COL16A1: variants seen among roughly 807,000 people sequenced by gnomAD.
The protein encoded by COL16A1 is collagen type XVI alpha 1 chain.
In COL16A1, 189 loss-of-function variants were observed where a neutral mutation model predicts 266.3. That is an observed-to-expected ratio of 0.71 (90% CI 0.63 to 0.80). The LOEUF is 0.80. Ranked by LOEUF, COL16A1 falls within the 30% of genes least tolerant of loss-of-function variation. COL16A1 has a pLI of 0.00. For missense variants in COL16A1, 1,928 were observed against 2,122.4 expected (o/e 0.91, Z 1.80); for synonymous variants, 740 against 782.3 (o/e 0.95, Z 0.90).
chr1:31,663,013 A>G lies in COL16A1; in HGVS notation c.3556-355T>C, dbSNP rs1641827783. ...AAAGCTGCCTGTTGTATTCTACTCC[A>G]TCAGACCCCCTGCCTCCTCCCCACC... On this transcript the variant is annotated intron_variant, in intron 56 of 70. Transcript: ENST00000373672. The surrounding 1 kb of genome is among the most constrained non-coding windows in gnomAD (Gnocchi z 4.9). The G allele has an allele frequency of 3.1e-6, 1 of 319,968 alleles. No individual in the cohort carries two copies. The allele number at this position is 319,968 out of a possible 1,614,324, so 19.8% of individuals were successfully genotyped here.
At chr1:31,659,423 A>G (rs1271608675) in intron 62 of COL16A1, among the ~76,000 whole-genome samples, 2 of 152,190 alleles carry the variant, frequency 1.3e-5, no homozygotes, top group South Asian at 2.1e-4. Flanking sequence ...CGACATCCAT[A>G]GTGACAAGGA....
Position 31,688,594 on chromosome 1 carries a change from G to GC in COL16A1, c.1768-93_1768-92insG, listed in dbSNP as rs1644105362. ...CCAGTGTCCAACCAGAAACAGAACG[G>GC]TAAGATAGGAATTATGTCCTTCAGG... is the stretch of plus-strand genomic sequence containing the variant. On this transcript the variant is annotated intron_variant, in intron 25 of 70. Transcript: ENST00000373672. This position sits in a 1 kb window ranked among gnomAD's most constrained non-coding sequence, Gnocchi z 4.9. 8 of 1,518,986 alleles carry GC rather than the reference G, an allele frequency of 5.3e-6. No individual in the cohort carries two copies. The highest frequency in any genetic ancestry group is 1.4e-5 in the African/African-American group (1 of 72,996). 94.1% of individuals were successfully genotyped at this position (1,518,986 alleles called of 1,614,324 possible).
Position 31,698,032 on chromosome 1 carries a change from T to C in COL16A1, c.531A>G (p.Gly177=). The C allele has an allele frequency of 6.2e-7, 1 of 1,613,694 alleles. No homozygotes were observed. The highest frequency in any genetic ancestry group is 8.5e-7 in the Non-Finnish European group (1 of 1,180,032). ...AGTCCACGTGCACAGAGGCCACACG[T>C]CCAGCCACACTCAGCATCAGCTTGT... ...RWHKLMLSVA[G]RVASVHVDCS... is the part of the protein sequence containing the mutation. Residue 177 remains glycine, a synonymous_variant, in exon 6 of 71, where the codon GGA becomes GGG. Transcript: ENST00000373672. The surrounding 1 kb of genome is among the most constrained non-coding windows in gnomAD (Gnocchi z 4.1).
chr1:31,662,953 G>A, intron 56 of COL16A1: 2 of 522,220 alleles, frequency 3.8e-6, no homozygotes, highest in South Asian at 4.7e-5. Flanking sequence ...TCAGTAGCAT[G>A]TGCTGAACTG....
intron 51 of COL16A1, 111 bp from the exon 52 acceptor site, chr1:31,667,739 G>A: frequency 2.8e-6 from 3 of 1,056,792 alleles, no homozygotes; most frequent in Non-Finnish European, 4.3e-6. Context: ...CTGGGGGAAT[G>A]GCACTGGGAG....
At chr1:31,691,892 C>A in intron 17 of COL16A1, 113 bp downstream of exon 17, 1 of 1,534,104 alleles carries the variant, frequency 6.5e-7, no homozygotes, top group Non-Finnish European at 8.9e-7. Context: ...GTGGCACAGC[C>A]CCTCCCCACC....
rs1644489630 is a variant in COL16A1, at chr1:31,696,143, T to C, written c.865-2A>G. 2 of 1,585,466 alleles carry C rather than the reference T, an allele frequency of 1.3e-6. No homozygotes were observed. On this transcript the variant is annotated splice_acceptor_variant, in intron 8 of 70. Coordinates refer to ENST00000373672, the MANE Select transcript of COL16A1 (RefSeq NM_001856.4). LOFTEE classifies it high-confidence loss of function. Reference sequence around the variant, plus strand: ...TCTTCCCGTCAGCTGGGCATCCACCTGGGCAGACAGAGCAAAGAGAAACCC... The same window carrying C: ...TCTTCCCGTCAGCTGGGCATCCACCCGGGCAGACAGAGCAAAGAGAAACCC...
intron 9 of COL16A1, 101 bp from the exon 10 acceptor site, chr1:31,695,888 A>C: frequency 4.5e-6 from 5 of 1,114,730 alleles, no homozygotes; most frequent in Non-Finnish European, 5.4e-6. Flanking sequence ...TGGGCACTCT[A>C]GAGAGTGCCA....
At chr1:31,662,256 A>G in intron 58 of COL16A1, 78 bp downstream of exon 58, 3 of 1,564,616 alleles carry the variant, frequency 1.9e-6, no homozygotes, top group Non-Finnish European at 8.7e-7. Context: ...GGTTCTTTCC[A>G]TCAGGGTTCC....
intron 17 of COL16A1, 114 bp from the exon 18 acceptor site, chr1:31,691,756 G>A (rs1452095320): frequency 3.0e-6 from 4 of 1,339,242 alleles, no homozygotes; most frequent in African/African-American, 3.0e-5. Context: ...CCAAACCAGA[G>A]CCCACCCTGG....
At chr1:31,691,066 C>A in intron 20 of COL16A1, 122 bp downstream of exon 20, 1 of 1,476,902 alleles carries the variant, frequency 6.8e-7, no homozygotes, top group Middle Eastern at 2.1e-4. Flanking sequence ...CAGCCTCCTC[C>A]TCCAAAGGCC....
In COL16A1 at chr1:31,692,790, T is replaced by C. The variant is rs781621034; in HGVS notation, c.1090A>G (p.Ile364Val). 6 of 1,613,840 alleles carry C rather than the reference T, an allele frequency of 3.7e-6. No individual in the cohort carries two copies. In the South Asian group the frequency reaches 4.4e-5, roughly 12 times the overall value. The change falls in exon 14 of 71, where the codon ATC becomes GTC. Residue 364 changes from isoleucine to valine, a missense_variant. Ile to Val is a conservative substitution (Grantham distance 29). This residue lies in a region of COL16A1 where 1,552 missense variants were observed against 1,637.2 expected (regional missense o/e 0.95). Coordinates refer to ENST00000373672, the MANE Select transcript of COL16A1 (RefSeq NM_001856.4). ...ACCTGAAGTGGGGCATCCGGGGAGA[T>C]TCGAACACAGTCATTGCCCTGGGAG... ...KGARGNDCVR[I>V]SPDAPLQCAE...
chr1:31,664,191 G>T lies in COL16A1; in HGVS notation c.3555+981C>A, dbSNP rs1641932873. 8.7e-6 allele frequency among the ~76,000 whole-genome samples: 1 copy of T among 114,418 alleles called. No individual in the cohort carries two copies. Among genetic ancestry groups the T allele is most frequent in the Non-Finnish European group, 2.1e-5 (1 of 47,298 alleles). 75.1% of individuals were successfully genotyped at this position (114,418 alleles called of 152,430 possible). On this transcript the variant is annotated intron_variant, in intron 56 of 70. Coordinates refer to ENST00000373672, the MANE Select transcript of COL16A1 (RefSeq NM_001856.4). This position sits in a 1 kb window ranked among gnomAD's most constrained non-coding sequence, Gnocchi z 5.5. ...AGGGGAAGGGGAAGGGGAAGGGGAA[G>T]GGGAAGGGGGCTAGCAACCACCACT...
At position 31,653,654 on chromosome 1, in the gene COL16A1, T is replaced by C; in HGVS notation, c.4557A>G (p.Glu1519=). ...GVRGLPGTKG[E]KGDIGIGIAG... ...CAATGCCAATACCAATGTCCCCTTTTTCACCTTTGGTACCAGGCAATCCTG... is the reference window on the plus strand; with the variant it reads ...CAATGCCAATACCAATGTCCCCTTTCTCACCTTTGGTACCAGGCAATCCTG... The change falls in exon 70 of 71, where the codon GAA becomes GAG. Residue 1519 remains glutamate, a synonymous_variant. Coordinates refer to ENST00000373672, the MANE Select transcript of COL16A1 (RefSeq NM_001856.4). 6.2e-7 allele frequency: 1 copy of C among 1,613,822 alleles called. No individual in the cohort carries two copies. Among genetic ancestry groups the C allele is most frequent in the Non-Finnish European group, 8.5e-7 (1 of 1,179,856 alleles).
Position 31,690,724 on chromosome 1 carries a change from C to G in COL16A1, c.1438-151G>C, listed in dbSNP as rs1379196859. On this transcript the variant is annotated intron_variant, in intron 20 of 70. Transcript: ENST00000373672. ...TGTTCCATTCGGTCGGTTCCTGTTG[C>G]CTGCCCTCCGTGTCTAACCCAAGCC... 3 of 1,319,654 alleles carry G rather than the reference C, an allele frequency of 2.3e-6. No individual in the cohort carries two copies. The African/African-American group carries it at 4.4e-5, about 19-fold the overall frequency. 81.7% of individuals were successfully genotyped at this position (1,319,654 alleles called of 1,614,324 possible).
Position 31,656,029 on chromosome 1 carries a change from C to G in COL16A1, c.4101+371G>C. 1 of 338,392 alleles carries G rather than the reference C, an allele frequency of 3.0e-6. No homozygotes were observed. The allele number at this position is 338,392 out of a possible 1,614,324, so 21.0% of individuals were successfully genotyped here. A position where few individuals can be genotyped will look rare whatever the true frequency, so the allele number is the denominator to read the frequency against. On this transcript the variant is annotated intron_variant, in intron 66 of 70. Transcript: ENST00000373672. This position sits in a 1 kb window ranked among gnomAD's most constrained non-coding sequence, Gnocchi z 4.2. ...GCTATGTCTCATGTCTTCTGGAAAA[C>G]TTGCCAATCCCTAGTGTAAGTGTGA...
intron 62 of COL16A1, chr1:31,659,665 C>T (rs1261763900): frequency 1.3e-5 from 2 of 152,710 alleles, no homozygotes; most frequent in Non-Finnish European, 2.9e-5. Flanking sequence ...TGGCACGTTC[C>T]AGAGCCATAG....
At position 31,668,935 on chromosome 1, in the gene COL16A1, C is replaced by A; in HGVS notation, c.3196-80G>T. ...CTGACTCCTTCCCCCTGCCCCACTG[C>A]CTTCTGTTCCCACTCCAGGCAAATA... On this transcript the variant is annotated intron_variant, in intron 49 of 70. Transcript: ENST00000373672. The surrounding 1 kb of genome is among the most constrained non-coding windows in gnomAD (Gnocchi z 5.8). 7.8e-7 allele frequency: 1 copy of A among 1,282,396 alleles called. No individual in the cohort carries two copies. The allele number at this position is 1,282,396 out of a possible 1,614,324, so 79.4% of individuals were successfully genotyped here.
Position 31,688,448 on chromosome 1 carries a change from C to T in COL16A1, c.1803+19G>A. On this transcript the variant is annotated intron_variant, in intron 26 of 70. Coordinates refer to ENST00000373672, the MANE Select transcript of COL16A1 (RefSeq NM_001856.4). This position sits in a 1 kb window ranked among gnomAD's most constrained non-coding sequence, Gnocchi z 4.9. ...TGCCAAGAAACTCCAGTGTCCCTGACATCTAACCCAGGTCTCACCTTCTCT... is the reference window on the plus strand; with the variant it reads ...TGCCAAGAAACTCCAGTGTCCCTGATATCTAACCCAGGTCTCACCTTCTCT... 6.2e-7 allele frequency: 1 copy of T among 1,614,178 alleles called. No individual in the cohort carries two copies. Among genetic ancestry groups the T allele is most frequent in the East Asian group, 2.2e-5 (1 of 44,890 alleles).
Sources: gnomAD v4.1 joint callset for allele counts (sites outside exome capture counted in the v4.1 genomes callset) on GRCh38, gnomAD v4.1.1 for gene constraint, gnomAD v4.1.1 regional missense constraint, Gnocchi (gnomAD v3.1) non-coding constraint, MANE v1.5 for transcripts, NCBI Gene and HGNC (gene_info 2026-07-23, HGNC 2026-07-21) for gene names.